Variants in DMD observed in about 807,000 individuals in gnomAD.
The protein encoded by DMD is mutant dystrophin.
A neutral mutation model predicts 330.1 loss-of-function variants in DMD; 63 were observed. The observed-to-expected ratio is 0.19, with a 90% CI of 0.16 to 0.24. The LOEUF is 0.24. Among genes scored for constraint, DMD ranks in the 10% least tolerant of loss-of-function variants. DMD has a pLI of 1.00. For missense variants in DMD, 3,344 were observed against 2,684.1 expected (o/e 1.25, Z -5.43); for synonymous variants, 1,223 against 959.8 (o/e 1.27, Z -5.07).
intron 55 of DMD, among the ~76,000 whole-genome samples, chrX:31,528,597 G>A (rs981507380): frequency 3.6e-5 from 4 of 112,286 alleles, no homozygotes; most frequent in African/African-American, 1.3e-4. Flanking sequence ...CACTCGAGGC[G>A]CTCAATAAAT....
In DMD at chrX:31,794,243, TAC is replaced by T. The variant is rs761818712; in HGVS notation, c.7310-20053_7310-20052del. On this transcript the variant is annotated intron_variant, in intron 50 of 78. Coordinates refer to ENST00000357033, the MANE Select transcript of DMD (RefSeq NM_004006.3). ...TTCATATCCTTTCTGAAAGATAAACTACCTCAAAATTCAGGACCCAATAGTAA... is the reference window on the plus strand; with the variant it reads ...TTCATATCCTTTCTGAAAGATAAACTCTCAAAATTCAGGACCCAATAGTAA... Among the ~76,000 whole-genome samples the T allele has an allele frequency of 7.2e-5, 8 of 111,272 alleles. No homozygotes were observed. In the East Asian group the frequency reaches 1.1e-3, roughly 16 times the overall value.
intron 1 of DMD, among the ~76,000 whole-genome samples, chrX:33,269,155 C>G (rs1883807040): frequency 9.0e-6 from 1 of 111,019 alleles, no homozygotes; most frequent in Non-Finnish European, 1.9e-5. Context: ...CTTTGTCACA[C>G]AATTCACAAT....
chrX:32,127,603 C>T (rs917102372), intron 44 of DMD, among the ~76,000 whole-genome samples: 1 of 111,604 alleles, frequency 9.0e-6, no homozygotes, highest in Non-Finnish European at 1.9e-5. Context: ...TCTCAGCTCT[C>T]CCCTAATTTC....
At chrX:32,722,307 A>G (rs781483462) in intron 7 of DMD, among the ~76,000 whole-genome samples, 106 of 111,427 alleles carry the variant, frequency 9.5e-4, no homozygotes, top group Non-Finnish European at 1.3e-3. Context: ...AACAAAAAAT[A>G]TTAATACAAG....
chrX:31,284,590 C>CTTCTT (rs2052977997), intron 62 of DMD, among the ~76,000 whole-genome samples: 1 of 98,628 alleles, frequency 1.0e-5, no homozygotes, highest in African/African-American at 3.9e-5. Flanking sequence ...TCTTCTTCTT[C>CTTCTT]TTCTTCTTCT....
At chrX:32,189,302 GAAA>G (rs918862453) in intron 44 of DMD, among the ~76,000 whole-genome samples, 5 of 101,538 alleles carry the variant, frequency 4.9e-5, no homozygotes, top group Non-Finnish European at 1.0e-4. Flanking sequence ...TGAAAACTTT[GAAA>G]AATAAAAATT....
At chrX:32,617,992 G>A (rs1236248138) in intron 11 of DMD, among the ~76,000 whole-genome samples, 1 of 111,259 alleles carries the variant, frequency 9.0e-6, no homozygotes, top group Non-Finnish European at 1.9e-5. Context: ...TAATCATCTG[G>A]GAAATGCAAA....
chrX:32,328,445 C>T (rs1189576647), intron 41 of DMD, among the ~76,000 whole-genome samples: 4 of 111,379 alleles, frequency 3.6e-5, no homozygotes, highest in Non-Finnish European at 7.5e-5. Context: ...TGTTTTTGCT[C>T]CTCACATGTG....
intron 1 of DMD, among the ~76,000 whole-genome samples, chrX:33,262,759 C>T (rs1048905422): frequency 5.4e-5 from 6 of 110,513 alleles, no homozygotes; most frequent in African/African-American, 2.0e-4. Context: ...AAATTATTCA[C>T]TATTCACAAA....
chrX:31,183,202 C>T (rs868181331), intron 67 of DMD, among the ~76,000 whole-genome samples: 2 of 105,567 alleles, frequency 1.9e-5, no homozygotes, highest in East Asian at 2.9e-4. Flanking sequence ...CACACCTGAG[C>T]GAGACTTTAT....
chrX:32,657,868 T>C (rs1602619258), intron 9 of DMD, among the ~76,000 whole-genome samples: 1 of 111,780 alleles, frequency 8.9e-6, no homozygotes, highest in East Asian at 2.8e-4. Context: ...TCTTATTTAT[T>C]TTAATCAGTC....
chrX:32,967,657 C>A (rs985254664), intron 2 of DMD, among the ~76,000 whole-genome samples: 2 of 111,304 alleles, frequency 1.8e-5, no homozygotes, highest in African/African-American at 6.5e-5. Flanking sequence ...TGAAAGGGTA[C>A]GGACAGCGTC....
chrX:31,929,185 A>G (rs1025436715), intron 47 of DMD, among the ~76,000 whole-genome samples: 3 of 112,075 alleles, frequency 2.7e-5, no homozygotes, highest in Non-Finnish European at 3.8e-5. Flanking sequence ...GTTAGTGTAC[A>G]TTAATTATTA....
intron 60 of DMD, among the ~76,000 whole-genome samples, chrX:31,419,549 T>C (rs1018681635): frequency 9.0e-6 from 1 of 111,245 alleles, no homozygotes; most frequent in African/African-American, 3.3e-5. Context: ...TCATTACAAT[T>C]GGAATGAAAT....
At chrX:31,622,971 T>A (rs2078640878) in intron 55 of DMD, among the ~76,000 whole-genome samples, 1 of 105,404 alleles carries the variant, frequency 9.5e-6, no homozygotes, top group Admixed American at 1.0e-4. Context: ...AAAATAAAAA[T>A]ATCAAAATTC....
chrX:32,964,564 C>G (rs190162952), intron 2 of DMD, among the ~76,000 whole-genome samples: 1,097 of 108,788 alleles, frequency 0.01, 12 homozygotes, highest in African/African-American at 0.035. Flanking sequence ...AAAAATTAGC[C>G]GGGCGTGGTG....
At chrX:33,280,519 C>T (rs904740111) in intron 1 of DMD, among the ~76,000 whole-genome samples, 5 of 111,178 alleles carry the variant, frequency 4.5e-5, no homozygotes. Flanking sequence ...ATTACTACAA[C>T]ACCATTTATT....
intron 11 of DMD, among the ~76,000 whole-genome samples, chrX:32,628,150 C>G (rs905365524): frequency 1.9e-5 from 2 of 107,324 alleles, no homozygotes; most frequent in Admixed American, 1.0e-4. Flanking sequence ...TTCAATCTAA[C>G]TATATTTTTG....
chrX:31,303,068 A>G (rs1029041974), intron 62 of DMD, among the ~76,000 whole-genome samples: 9 of 111,959 alleles, frequency 8.0e-5, no homozygotes, highest in Non-Finnish European at 1.7e-4. Flanking sequence ...CCCCTCTCCC[A>G]TACTACAACT....
Sources: allele counts gnomAD v4.1 joint callset (sites outside exome capture counted in the v4.1 genomes callset), GRCh38; gene constraint gnomAD v4.1.1; transcripts MANE v1.5; gene names NCBI Gene and HGNC (gene_info 2026-07-23, HGNC 2026-07-21).